The following NRXN3 variants were observed in gnomAD, a reference collection of about 807,000 sequenced individuals.
The protein encoded by NRXN3 is neurexin III.
Under a neutral mutation model 137.6 loss-of-function variants are expected in NRXN3, and 32 were observed. The observed-to-expected ratio is 0.23, with a 90% CI of 0.18 to 0.31. NRXN3 has a LOEUF of 0.31. Ranked by LOEUF, NRXN3 falls within the 10% of genes least tolerant of loss-of-function variation. NRXN3 has a pLI of 1.00. For synonymous variants in NRXN3, 798 were observed against 784.5 expected, an observed-to-expected ratio of 1.02 and a Z score of -0.29; for missense variants, 1,574 against 2,062.5, an observed-to-expected ratio of 0.76 and a Z score of 4.59.
intron 6 of NRXN3, among the ~76,000 whole-genome samples, chr14:78,703,327 G>A (rs2098309447): frequency 6.6e-6 from 1 of 152,162 alleles, no homozygotes; most frequent in Non-Finnish European, 1.5e-5. Context: ...AGCTGCCTGA[G>A]GGAGAGAAGG....
At chr14:79,211,595 G>C (rs1443028790) in intron 15 of NRXN3, among the ~76,000 whole-genome samples, 5 of 152,120 alleles carry the variant, frequency 3.3e-5, no homozygotes, top group African/African-American at 7.2e-5. Flanking sequence ...CAGCTCATAA[G>C]GGATGGAGTT....
intron 15 of NRXN3, among the ~76,000 whole-genome samples, chr14:79,148,898 A>G (rs1017015755): frequency 2.0e-5 from 3 of 151,962 alleles, no homozygotes; most frequent in Non-Finnish European, 4.4e-5. Flanking sequence ...GGAAAGCCCA[A>G]ATTAGTTTGT....
intron 16 of NRXN3, among the ~76,000 whole-genome samples, chr14:79,637,668 T>G (rs1245120338): frequency 6.6e-6 from 1 of 151,916 alleles, no homozygotes; most frequent in Non-Finnish European, 1.5e-5. Flanking sequence ...AGCTAAATTA[T>G]AAAGGTTATT....
intron 16 of NRXN3, among the ~76,000 whole-genome samples, chr14:79,585,128 G>A (rs1166709443): frequency 1.3e-5 from 2 of 152,144 alleles, no homozygotes; most frequent in Admixed American, 1.3e-4. Flanking sequence ...AGTATGGCAT[G>A]ACAAATGATC....
chr14:79,219,314 A>G (rs2069110446), intron 15 of NRXN3, among the ~76,000 whole-genome samples: 1 of 152,150 alleles, frequency 6.6e-6, no homozygotes, highest in Admixed American at 6.6e-5. Flanking sequence ...ATTTTTTTGT[A>G]GAGACAGGGT....
At chr14:79,819,971 G>GGT (rs942864033) in intron 20 of NRXN3, among the ~76,000 whole-genome samples, 28 of 152,146 alleles carry the variant, frequency 1.8e-4, no homozygotes, top group African/African-American at 6.5e-4. Context: ...ACCTCTGCTA[G>GGT]GTGTGGGCTG....
At chr14:78,507,147 C>T (rs2096010414) in intron 4 of NRXN3, among the ~76,000 whole-genome samples, 1 of 152,178 alleles carries the variant, frequency 6.6e-6, no homozygotes, top group Non-Finnish European at 1.5e-5. Context: ...ACGGGACACT[C>T]GTTTACTGGG....
intron 15 of NRXN3, among the ~76,000 whole-genome samples, chr14:79,017,175 A>G (rs1181406226): frequency 6.6e-6 from 1 of 151,942 alleles, no homozygotes; most frequent in African/African-American, 2.4e-5. Flanking sequence ...CTAACTATGA[A>G]TTGAGTGGAT....
chr14:78,333,000 G>A (rs1208064544), intron 4 of NRXN3, among the ~76,000 whole-genome samples: 1 of 152,220 alleles, frequency 6.6e-6, no homozygotes, highest in African/African-American at 2.4e-5. Context: ...CCAGTGGTTT[G>A]TGTGCAATGA....
chr14:78,917,179 G>A (rs61994008), intron 10 of NRXN3, among the ~76,000 whole-genome samples: 5,753 of 152,230 alleles, frequency 0.038, 114 homozygotes, highest in African/African-American at 0.056. Context: ...TGGATAAGAA[G>A]CACTTAAACC....
At chr14:78,427,702 G>A (rs2093716623) in intron 4 of NRXN3, among the ~76,000 whole-genome samples, 1 of 152,162 alleles carries the variant, frequency 6.6e-6, no homozygotes, top group Admixed American at 6.6e-5. Flanking sequence ...GACTAAGTGG[G>A]ACAGAGTCTC....
At chr14:78,687,902 C>T (rs1226975919) in intron 6 of NRXN3, among the ~76,000 whole-genome samples, 1 of 152,168 alleles carries the variant, frequency 6.6e-6, no homozygotes, top group Non-Finnish European at 1.5e-5. Context: ...CTAGAGCCTA[C>T]TCAGACAGCA....
intron 10 of NRXN3, among the ~76,000 whole-genome samples, chr14:78,889,214 A>G (rs1273394149): frequency 3.3e-5 from 5 of 152,006 alleles, no homozygotes; most frequent in African/African-American, 1.2e-4. Context: ...GACCTTGTTC[A>G]AAGGGGAAGA....
chr14:79,683,889 A>C (rs1279252479), intron 17 of NRXN3, among the ~76,000 whole-genome samples: 2 of 152,216 alleles, frequency 1.3e-5, no homozygotes, highest in African/African-American at 4.8e-5. Context: ...TTTATGACTC[A>C]GTCTCTAAGT....
At chr14:79,387,724 A>G (rs2094683298) in intron 15 of NRXN3, among the ~76,000 whole-genome samples, 1 of 151,906 alleles carries the variant, frequency 6.6e-6, no homozygotes, top group Admixed American at 6.6e-5. Flanking sequence ...ACAATGATAG[A>G]CTGGATTAAG....
intron 19 of NRXN3, among the ~76,000 whole-genome samples, chr14:79,707,197 G>T (rs1450565622): frequency 6.6e-6 from 1 of 152,146 alleles, no homozygotes; most frequent in Non-Finnish European, 1.5e-5. Context: ...AGCCTAGAAT[G>T]GTGCCTGCCA....
chr14:79,573,681 C>T (rs980864637), intron 16 of NRXN3, among the ~76,000 whole-genome samples: 1 of 151,910 alleles, frequency 6.6e-6, no homozygotes, highest in Non-Finnish European at 1.5e-5. Flanking sequence ...CTCTACTGTT[C>T]TCAGCTGCTG....
chr14:78,858,670 T>G (rs2099064021), intron 10 of NRXN3, among the ~76,000 whole-genome samples: 1 of 152,182 alleles, frequency 6.6e-6, no homozygotes, highest in African/African-American at 2.4e-5. Flanking sequence ...GTACTTCAGA[T>G]AGGATTTGAC....
At chr14:78,290,149 G>T (rs2075657546) in intron 3 of NRXN3, among the ~76,000 whole-genome samples, 1 of 152,186 alleles carries the variant, frequency 6.6e-6, no homozygotes, top group Non-Finnish European at 1.5e-5. Flanking sequence ...TATAGACAAT[G>T]CTGAGAAAAG....
Sources: gnomAD v4.1 joint callset for allele counts (sites outside exome capture counted in the v4.1 genomes callset) on GRCh38, gnomAD v4.1.1 for gene constraint, MANE v1.5 for transcripts, NCBI Gene and HGNC (gene_info 2026-07-23, HGNC 2026-07-21) for gene names.